Variants in CAMK2B observed in about 807,000 individuals in gnomAD.
The protein encoded by CAMK2B is calcium/calmodulin dependent protein kinase II beta, also known as calcium/calmodulin-dependent protein kinase type II subunit beta.
A neutral mutation model predicts 93.7 loss-of-function variants in CAMK2B; 27 were observed. That is an observed-to-expected ratio of 0.29 (90% CI 0.21 to 0.40). CAMK2B has a LOEUF of 0.40. Among genes scored for constraint, CAMK2B ranks in the 10% least tolerant of loss-of-function variants. The pLI is 1.00. For missense variants in CAMK2B, 568 were observed against 895.8 expected, an observed-to-expected ratio of 0.63 and a Z score of 4.67; for synonymous variants, 374 against 358.8, an observed-to-expected ratio of 1.04 and a Z score of -0.48.
At chr7:44,269,288 C>G (rs1473442478) in intron 2 of CAMK2B, among the ~76,000 whole-genome samples, 1 of 152,202 alleles carries the variant, frequency 6.6e-6, no homozygotes, top group African/African-American at 2.4e-5. Flanking sequence ...GGGGACCCCT[C>G]GTGTCCCAAG....
intron 2 of CAMK2B, among the ~76,000 whole-genome samples, chr7:44,266,638 G>A (rs2096923827): frequency 6.6e-6 from 1 of 152,188 alleles, no homozygotes; most frequent in Non-Finnish European, 1.5e-5. Flanking sequence ...AGGTCCCGAG[G>A]CCAGCAGGCC....
At chr7:44,273,976 T>C (rs2097003165) in intron 2 of CAMK2B, among the ~76,000 whole-genome samples, 1 of 152,160 alleles carries the variant, frequency 6.6e-6, no homozygotes, top group Non-Finnish European at 1.5e-5. Context: ...CAGAGAGGAC[T>C]GTGCAACAGA....
At chr7:44,270,701 G>A (rs551237374) in intron 2 of CAMK2B, among the ~76,000 whole-genome samples, 3 of 152,308 alleles carry the variant, frequency 2.0e-5, no homozygotes, top group African/African-American at 7.2e-5. Context: ...CCTGTCCAGA[G>A]GACACTTTGA....
intron 1 of CAMK2B, among the ~76,000 whole-genome samples, chr7:44,307,831 G>A (rs1792337357): frequency 6.6e-6 from 1 of 152,140 alleles, no homozygotes; most frequent in African/African-American, 2.4e-5. Context: ...TTTTCTGTGA[G>A]CTGTTGCTGC....
chr7:44,301,448 T>G (rs1312944669), intron 1 of CAMK2B, among the ~76,000 whole-genome samples: 1 of 152,054 alleles, frequency 6.6e-6, no homozygotes, highest in African/African-American at 2.4e-5. Flanking sequence ...AAAGTAATCT[T>G]TAGAGGAAAA....
intron 1 of CAMK2B, among the ~76,000 whole-genome samples, chr7:44,284,502 G>A (rs1321329003): frequency 6.6e-6 from 1 of 152,242 alleles, no homozygotes; most frequent in Non-Finnish European, 1.5e-5. Context: ...GTGCAGAGAA[G>A]AAGGATCAGT....
At chr7:44,272,699 T>C (rs776545693) in intron 2 of CAMK2B, among the ~76,000 whole-genome samples, 23 of 152,166 alleles carry the variant, frequency 1.5e-4, no homozygotes, top group Non-Finnish European at 2.5e-4. Context: ...CATATGGGGA[T>C]GAACATAGCC....
chr7:44,319,119 C>T (rs1014306563), intron 1 of CAMK2B, among the ~76,000 whole-genome samples: 4 of 152,192 alleles, frequency 2.6e-5, no homozygotes, highest in Admixed American at 2.6e-4. Context: ...AACAAAGTGA[C>T]TTGCAGCTGT....
At chr7:44,270,684 C>T (rs1321059062) in intron 2 of CAMK2B, among the ~76,000 whole-genome samples, 5 of 152,212 alleles carry the variant, frequency 3.3e-5, no homozygotes, top group South Asian at 2.1e-4. Context: ...TGTCAAGTAG[C>T]GCTGTTCCTG....
rs1417348248 is a variant in CAMK2B, at chr7:44,312,556, A to T, written c.65+12801T>A. ...CCTTCCCGGGAGGGGCTGCCCCATAAAGTGAGGGGGGTGCCCAGTGGCCAT... is the reference window on the plus strand; with the variant it reads ...CCTTCCCGGGAGGGGCTGCCCCATATAGTGAGGGGGGTGCCCAGTGGCCAT... On this transcript the variant is annotated intron_variant, in intron 1 of 23. Transcript: ENST00000395749. The surrounding 1 kb of genome is among the most constrained non-coding windows in gnomAD (Gnocchi z 4.1). Among the ~76,000 whole-genome samples, 1 of 152,116 alleles carries T rather than the reference A, an allele frequency of 6.6e-6. No homozygotes were observed. Among genetic ancestry groups the T allele is most frequent in the Admixed American group, 6.5e-5 (1 of 15,288 alleles).
intron 3 of CAMK2B, among the ~76,000 whole-genome samples, chr7:44,261,255 G>A (rs928097982): frequency 6.6e-6 from 1 of 152,110 alleles, no homozygotes; most frequent in African/African-American, 2.4e-5. Flanking sequence ...GCCCAGTTGG[G>A]GGCCCAGCAG....
At chr7:44,285,007 G>A (rs1401529289) in intron 1 of CAMK2B, among the ~76,000 whole-genome samples, 1 of 152,144 alleles carries the variant, frequency 6.6e-6, no homozygotes, top group Non-Finnish European at 1.5e-5. Flanking sequence ...GGAAGGAATC[G>A]GGTTAAGGCT....
intron 1 of CAMK2B, among the ~76,000 whole-genome samples, chr7:44,294,257 G>T (rs540190643): frequency 6.6e-6 from 1 of 152,212 alleles, no homozygotes; most frequent in Non-Finnish European, 1.5e-5. Flanking sequence ...CAGGACCAAC[G>T]GAAGGGGTGC....
In CAMK2B at chr7:44,312,405, G is replaced by A. The variant is rs1384125779; in HGVS notation, c.65+12952C>T. On this transcript the variant is annotated intron_variant, in intron 1 of 23. Coordinates refer to ENST00000395749, the MANE Select transcript of CAMK2B (RefSeq NM_001220.5). This position sits in a 1 kb window ranked among gnomAD's most constrained non-coding sequence, Gnocchi z 4.1. ...GCTAGGGACAAGCCACCGAGTACCT[G>A]GGAGGGCAGGAGAAGGAGGGCCACC... Among the ~76,000 whole-genome samples, 1 of 152,172 alleles carries A rather than the reference G, an allele frequency of 6.6e-6. No homozygotes were observed. Among genetic ancestry groups the A allele is most frequent in the Non-Finnish European group, 1.5e-5 (1 of 68,030 alleles).
intron 12 of CAMK2B, among the ~76,000 whole-genome samples, chr7:44,240,339 C>T (rs1001458812): frequency 1.6e-4 from 25 of 152,192 alleles, no homozygotes; most frequent in African/African-American, 5.5e-4. Flanking sequence ...GCCCACCTCC[C>T]GCACAAAACA....
In CAMK2B at chr7:44,325,549, G is replaced by A. The variant is rs1282500249; in HGVS notation, c.-128C>T. The A allele has an allele frequency of 1.5e-5, 6 of 390,512 alleles. No individual in the cohort carries two copies. The highest frequency in any genetic ancestry group is 2.1e-5 in the Non-Finnish European group (6 of 288,982). 24.2% of individuals were successfully genotyped at this position (390,512 alleles called of 1,614,324 possible). On this transcript the variant is annotated 5_prime_UTR_variant, in exon 1 of 24. Transcript: ENST00000395749. ...GACACCTCGGCTCGCGGCGCCAGGCGGGGGCCGGGCTGGGCTGCGCCGGGC... is the reference window on the plus strand; with the variant it reads ...GACACCTCGGCTCGCGGCGCCAGGCAGGGGCCGGGCTGGGCTGCGCCGGGC...
chr7:44,269,402 C>T (rs1037840845), intron 2 of CAMK2B, among the ~76,000 whole-genome samples: 1 of 152,178 alleles, frequency 6.6e-6, no homozygotes, highest in African/African-American at 2.4e-5. Context: ...CGTTGATGTT[C>T]GCTCCCATAA....
At chr7:44,263,348 C>T (rs896103272) in intron 2 of CAMK2B, among the ~76,000 whole-genome samples, 23 of 152,236 alleles carry the variant, frequency 1.5e-4, no homozygotes, top group African/African-American at 5.3e-4. Context: ...TCTAAGTCAG[C>T]GGTGCACTGA....
intron 2 of CAMK2B, among the ~76,000 whole-genome samples, chr7:44,270,934 T>G (rs151265760): frequency 1.3e-5 from 2 of 152,262 alleles, no homozygotes; most frequent in African/African-American, 4.8e-5. Flanking sequence ...TCTTTTCTTT[T>G]TTTTGATGGA....
Sources: gnomAD v4.1 joint callset for allele counts (sites outside exome capture counted in the v4.1 genomes callset) on GRCh38, gnomAD v4.1.1 for gene constraint, Gnocchi (gnomAD v3.1) non-coding constraint, MANE v1.5 for transcripts, NCBI Gene and HGNC (gene_info 2026-07-23, HGNC 2026-07-21) for gene names.